Variants in STXBP5 observed in about 807,000 individuals in gnomAD.
The protein encoded by STXBP5 is syntaxin binding protein 5, also known as syntaxin-binding protein 5.
A neutral mutation model predicts 152.4 loss-of-function variants in STXBP5; 50 were observed. The ratio of observed to expected loss-of-function variants is 0.33; its 90% confidence interval spans 0.26 to 0.42. The LOEUF is 0.42. Ranked by LOEUF, STXBP5 falls within the 10% of genes least tolerant of loss-of-function variation. The pLI is 1.00. For synonymous variants in STXBP5, 492 were observed against 494.7 expected, an observed-to-expected ratio of 0.99 and a Z score of 0.07; for missense variants, 1,167 against 1,388.6, an observed-to-expected ratio of 0.84 and a Z score of 2.54.
chr6:147,282,085 C>T (rs1018196658), intron 8 of STXBP5, among the ~76,000 whole-genome samples: 13 of 152,078 alleles, frequency 8.5e-5, no homozygotes, highest in African/African-American at 2.7e-4. Flanking sequence ...TGAAATTACC[C>T]GGAAATTATG....
chr6:147,277,657 ATTTTGGC>A, intron 7 of STXBP5, among the ~76,000 whole-genome samples: 1 of 152,186 alleles, frequency 6.6e-6, no homozygotes, highest in South Asian at 2.1e-4. Context: ...CCAAATCTAC[ATTTTGGC>A]TCTTAGGATC....
chr6:147,357,423 G>T (rs1353997067), intron 22 of STXBP5, among the ~76,000 whole-genome samples: 1 of 152,080 alleles, frequency 6.6e-6, no homozygotes, highest in Non-Finnish European at 1.5e-5. Flanking sequence ...GGGAGATAAG[G>T]CCAGGAGGGT....
rs1342320883 is a variant in STXBP5, at chr6:147,309,960, A to G, written c.918-124A>G. The G allele has an allele frequency of 4.6e-6, 3 of 648,108 alleles. No homozygotes were observed. In the African/African-American group the frequency reaches 5.6e-5, roughly 12 times the overall value. 40.1% of individuals were successfully genotyped at this position (648,108 alleles called of 1,614,324 possible). A position where few individuals can be genotyped will look rare whatever the true frequency, so the allele number is the denominator to read the frequency against. On this transcript the variant is annotated intron_variant, in intron 9 of 27. Coordinates refer to ENST00000321680, the MANE Select transcript of STXBP5 (RefSeq NM_001127715.4). ...AAAAATTCCATGAGACAATTCAATTATATGATGTGTAAAAATGTTAGAATT... is the reference window on the plus strand; with the variant it reads ...AAAAATTCCATGAGACAATTCAATTGTATGATGTGTAAAAATGTTAGAATT...
intron 2 of STXBP5, among the ~76,000 whole-genome samples, chr6:147,218,085 T>C (rs1233320287): frequency 6.6e-6 from 1 of 152,170 alleles, no homozygotes; most frequent in Admixed American, 6.5e-5. Context: ...ACAGCAAAAG[T>C]AAGTGGAAGG....
At chr6:147,305,207 G>T (rs552714417) in intron 9 of STXBP5, among the ~76,000 whole-genome samples, 1 of 152,104 alleles carries the variant, frequency 6.6e-6, no homozygotes. Flanking sequence ...ATTTACATAC[G>T]TATTCACAGT....
At chr6:147,242,066 C>T (rs1778574024) in intron 4 of STXBP5, among the ~76,000 whole-genome samples, 1 of 151,536 alleles carries the variant, frequency 6.6e-6, no homozygotes, top group Non-Finnish European at 1.5e-5. Context: ...GTTACTGTCC[C>T]TGAAGACCTT....
intron 18 of STXBP5, among the ~76,000 whole-genome samples, chr6:147,332,026 T>C (rs1026099691): frequency 2.0e-5 from 3 of 152,338 alleles, no homozygotes; most frequent in Middle Eastern, 3.4e-3. Flanking sequence ...ATAGTAAGTA[T>C]TCAGTAAATG....
At chr6:147,260,558 A>G in intron 4 of STXBP5, 57 bp from the exon 5 acceptor site, 2 of 1,603,600 alleles carry the variant, frequency 1.2e-6, no homozygotes, top group Non-Finnish European at 8.5e-7. Flanking sequence ...CTCTAATGCA[A>G]TTAGTAAAAT....
rs937868670 is a variant in STXBP5 at position 147,389,690 on chromosome 6, T to G, written c.*4935T>G. On this transcript the variant is annotated 3_prime_UTR_variant, in exon 28 of 28. Coordinates refer to ENST00000321680, the MANE Select transcript of STXBP5 (RefSeq NM_001127715.4). Reference sequence around the variant, plus strand: ...TTTATTTGGTAGTTGGTTTTGTTTGTTTTTGTTTATTTACTTTTGCTATTT... The same window carrying G: ...TTTATTTGGTAGTTGGTTTTGTTTGGTTTTGTTTATTTACTTTTGCTATTT... The G allele has an allele frequency of 2.0e-5, 3 of 151,952 alleles. No homozygotes were observed. The highest frequency in any genetic ancestry group is 6.6e-5 in the Admixed American group (1 of 15,226). The allele number at this position is 151,952 out of a possible 1,614,324, so 9.4% of individuals were successfully genotyped here. A position where few individuals can be genotyped will look rare whatever the true frequency, so the allele number is the denominator to read the frequency against.
At chr6:147,218,222 G>T (rs780350520) in intron 2 of STXBP5, among the ~76,000 whole-genome samples, 1 of 152,066 alleles carries the variant, frequency 6.6e-6, no homozygotes, top group Non-Finnish European at 1.5e-5. Flanking sequence ...GTTTATGATA[G>T]GGCTCATTCT....
At chr6:147,236,229 A>C (rs1778262817) in intron 3 of STXBP5, among the ~76,000 whole-genome samples, 1 of 152,212 alleles carries the variant, frequency 6.6e-6, no homozygotes, top group South Asian at 2.1e-4. Context: ...GCAGTTGTCT[A>C]GATTTTTCAA....
intron 13 of STXBP5, 89 bp from the exon 14 acceptor site, chr6:147,314,507 C>A: frequency 1.4e-6 from 2 of 1,419,188 alleles, no homozygotes; most frequent in African/African-American, 1.4e-5. Context: ...CCTTTTTACT[C>A]ATTTTGTTGA....
At chr6:147,285,912 A>C (rs2128347260) in intron 8 of STXBP5, among the ~76,000 whole-genome samples, 1 of 152,268 alleles carries the variant, frequency 6.6e-6, no homozygotes, top group Non-Finnish European at 1.5e-5. Context: ...CCTAAATGTA[A>C]AATTTGTGTC....
At chr6:147,384,597 G>A (rs2128424708) in intron 27 of STXBP5, 117 bp from the exon 28 acceptor site, 2 of 989,850 alleles carry the variant, frequency 2.0e-6, no homozygotes, top group South Asian at 2.8e-5. Context: ...TAAGCATATA[G>A]TAGCACTACA....
intron 9 of STXBP5, among the ~76,000 whole-genome samples, chr6:147,298,525 A>T (rs118152767): frequency 0.031 from 4,722 of 152,206 alleles, 117 homozygotes; most frequent in Non-Finnish European, 0.05. Flanking sequence ...ATAGCTGCAG[A>T]TGCATATTCT....
rs1371333833 is a variant in STXBP5, at chr6:147,388,045, A to G, written c.*3290A>G. 6.6e-6 allele frequency: 1 copy of G among 151,786 alleles called. No individual in the cohort carries two copies. The highest frequency in any genetic ancestry group is 1.5e-5 in the Non-Finnish European group (1 of 67,752). The allele number at this position is 151,786 out of a possible 1,614,324, so 9.4% of individuals were successfully genotyped here. ...TTAGAAAAGCTATATCCAAAGGTAA[A>G]TTTTTTGTGGCAAAGATTTATTTTA... On this transcript the variant is annotated 3_prime_UTR_variant, in exon 28 of 28. Coordinates refer to ENST00000321680, the MANE Select transcript of STXBP5 (RefSeq NM_001127715.4).
At chr6:147,324,015 A>G (rs913025937) in intron 16 of STXBP5, among the ~76,000 whole-genome samples, 1 of 152,048 alleles carries the variant, frequency 6.6e-6, no homozygotes, top group Non-Finnish European at 1.5e-5. Flanking sequence ...ATCCTTGAAC[A>G]TGGGTTTTCT....
intron 25 of STXBP5, among the ~76,000 whole-genome samples, chr6:147,372,549 C>T (rs1480087037): frequency 2.0e-5 from 3 of 149,466 alleles, no homozygotes; most frequent in African/African-American, 4.9e-5. Flanking sequence ...ATTCTCCTGC[C>T]TCAGCCTCCT....
At chr6:147,300,777 A>G (rs949619702) in intron 9 of STXBP5, among the ~76,000 whole-genome samples, 1 of 152,112 alleles carries the variant, frequency 6.6e-6, no homozygotes. Flanking sequence ...TCAAAAGTGT[A>G]GGCAACAAAA....
Sources: allele counts gnomAD v4.1 joint callset (sites outside exome capture counted in the v4.1 genomes callset), GRCh38; gene constraint gnomAD v4.1.1; transcripts MANE v1.5; gene names NCBI Gene and HGNC (gene_info 2026-07-23, HGNC 2026-07-21).